The following KCNT2 variants were observed in gnomAD, a reference collection of about 807,000 sequenced individuals.
The protein encoded by KCNT2 is potassium sodium-activated channel subfamily T member 2.
KCNT2 carries 67 observed loss-of-function variants against 153.8 expected under a neutral mutation model. The observed-to-expected ratio is 0.44, with a 90% CI of 0.36 to 0.53. The LOEUF is 0.53. Ranked by LOEUF, KCNT2 falls within the 20% of genes least tolerant of loss-of-function variation. KCNT2 has a pLI of 0.00. For missense variants in KCNT2, 975 were observed against 1,354.8 expected (o/e 0.72, Z 4.40); for synonymous variants, 500 against 458.8 (o/e 1.09, Z -1.15).
chr1:196,431,541 C>A (rs1185160114), intron 8 of KCNT2, among the ~76,000 whole-genome samples: 1 of 152,014 alleles, frequency 6.6e-6, no homozygotes, highest in Non-Finnish European at 1.5e-5. Context: ...TGAAGACTAT[C>A]TAATTGGAAA....
chr1:196,289,462 G>A (rs1659986463), intron 22 of KCNT2, among the ~76,000 whole-genome samples: 2 of 152,072 alleles, frequency 1.3e-5, no homozygotes, highest in Admixed American at 1.3e-4. Context: ...CTGGCACACA[G>A]TCAGTGACAT....
intron 12 of KCNT2, among the ~76,000 whole-genome samples, chr1:196,408,882 C>T (rs2148474480): frequency 6.6e-6 from 1 of 151,564 alleles, no homozygotes; most frequent in East Asian, 2.0e-4. Flanking sequence ...TTAGATCAAG[C>T]TGGTGATAGT....
intron 8 of KCNT2, among the ~76,000 whole-genome samples, chr1:196,444,112 A>ATG (rs896500348): frequency 5.0e-4 from 76 of 150,654 alleles, no homozygotes; most frequent in Admixed American, 1.1e-3. Context: ...GAGAGAGAGT[A>ATG]TGTGTGTGTG....
chr1:196,607,665 A>G (rs1441183915), intron 1 of KCNT2, among the ~76,000 whole-genome samples: 2 of 152,224 alleles, frequency 1.3e-5, no homozygotes, highest in African/African-American at 4.8e-5. Flanking sequence ...CCTGTTACAT[A>G]TTTAAACCAA....
chr1:196,509,789 A>T (rs1256783204), intron 1 of KCNT2, among the ~76,000 whole-genome samples: 1 of 150,742 alleles, frequency 6.6e-6, no homozygotes, highest in Non-Finnish European at 1.5e-5. Flanking sequence ...TATCCATATG[A>T]CAATGATGAG....
At chr1:196,566,845 A>G (rs1042498835) in intron 1 of KCNT2, among the ~76,000 whole-genome samples, 4 of 152,112 alleles carry the variant, frequency 2.6e-5, no homozygotes, top group Non-Finnish European at 2.9e-5. Context: ...ATATAAATAA[A>G]TTATTAGATT....
chr1:196,505,259 G>T (rs900278329), intron 1 of KCNT2, among the ~76,000 whole-genome samples: 1 of 152,058 alleles, frequency 6.6e-6, no homozygotes, highest in Non-Finnish European at 1.5e-5. Context: ...ATTAATTTTT[G>T]TATAAGGTGT....
intron 13 of KCNT2, among the ~76,000 whole-genome samples, chr1:196,381,036 T>C (rs1482370772): frequency 6.6e-6 from 1 of 152,244 alleles, no homozygotes; most frequent in Non-Finnish European, 1.5e-5. Flanking sequence ...ACTATAAGAA[T>C]GCTTATTAAA....
intron 26 of KCNT2, 73 bp downstream of exon 26, chr1:196,258,121 T>C (rs1656675759): frequency 1.3e-6 from 2 of 1,519,284 alleles, no homozygotes; most frequent in South Asian, 2.6e-5. Flanking sequence ...TTTATTAAAT[T>C]AGAACCAACT....
At chr1:196,250,894 G>A (rs536296899) in intron 26 of KCNT2, among the ~76,000 whole-genome samples, 2 of 152,176 alleles carry the variant, frequency 1.3e-5, no homozygotes, top group African/African-American at 4.8e-5. Flanking sequence ...CTGATCATCA[G>A]AGAAAGACAA....
At chr1:196,442,320 T>C (rs1238028621) in intron 8 of KCNT2, among the ~76,000 whole-genome samples, 1 of 151,866 alleles carries the variant, frequency 6.6e-6, no homozygotes, top group African/African-American at 2.4e-5. Flanking sequence ...TTTCTTCTCC[T>C]GAAAAATGTG....
At chr1:196,456,631 T>C (rs547264309) in intron 8 of KCNT2, among the ~76,000 whole-genome samples, 2 of 150,864 alleles carry the variant, frequency 1.3e-5, no homozygotes, top group Admixed American at 1.3e-4. Flanking sequence ...GGGAGTAAAG[T>C]AATAGATGCA....
intron 12 of KCNT2, among the ~76,000 whole-genome samples, chr1:196,417,490 G>C (rs1672849540): frequency 6.6e-6 from 1 of 152,066 alleles, no homozygotes; most frequent in Admixed American, 6.6e-5. Flanking sequence ...CGCAGAGGCA[G>C]TCCCTTTACA....
chr1:196,481,857 A>T (rs1027229631), intron 4 of KCNT2, among the ~76,000 whole-genome samples: 1 of 152,150 alleles, frequency 6.6e-6, no homozygotes, highest in Non-Finnish European at 1.5e-5. Context: ...TACATGATTA[A>T]TTGCTTAGGA....
intron 14 of KCNT2, among the ~76,000 whole-genome samples, chr1:196,354,336 A>G (rs1667001715): frequency 6.6e-6 from 1 of 151,810 alleles, no homozygotes; most frequent in Non-Finnish European, 1.5e-5. Context: ...TAATGTAGCT[A>G]AACAGATGAT....
At chr1:196,304,877 A>G (rs1029339355) in intron 22 of KCNT2, among the ~76,000 whole-genome samples, 2 of 152,106 alleles carry the variant, frequency 1.3e-5, no homozygotes, top group Non-Finnish European at 2.9e-5. Flanking sequence ...GTAAGCAATA[A>G]ACTTAGCTTT....
At chr1:196,528,861 A>C (rs1654581395) in intron 1 of KCNT2, among the ~76,000 whole-genome samples, 1 of 152,176 alleles carries the variant, frequency 6.6e-6, no homozygotes, top group Admixed American at 6.5e-5. Context: ...AAGCTATTCT[A>C]ATCATTCAAG....
At chr1:196,479,729 T>C (rs77270150) in intron 4 of KCNT2, among the ~76,000 whole-genome samples, 2,617 of 152,264 alleles carry the variant, frequency 0.017, 79 homozygotes, top group African/African-American at 0.059. Context: ...GTGTTTCTAA[T>C]ACATAAAATC....
chr1:196,330,093 G>A (rs368254721), intron 18 of KCNT2, among the ~76,000 whole-genome samples: 84 of 149,314 alleles, frequency 5.6e-4, no homozygotes, highest in Admixed American at 2.6e-3. Context: ...ATCTCAATGG[G>A]CCCAGATGAA....
Sources: allele counts gnomAD v4.1 joint callset (sites outside exome capture counted in the v4.1 genomes callset), GRCh38; gene constraint gnomAD v4.1.1; transcripts MANE v1.5; gene names NCBI Gene and HGNC (gene_info 2026-07-23, HGNC 2026-07-21).